Variants in NPLOC4 observed in about 807,000 individuals in gnomAD.
NPLOC4 encodes nuclear protein localization protein 4 homolog.
In NPLOC4, 18 loss-of-function variants were observed where a neutral mutation model predicts 80.6. That is an observed-to-expected ratio of 0.22 (90% CI 0.15 to 0.33). The LOEUF is 0.33. Among genes scored for constraint, NPLOC4 ranks in the 10% least tolerant of loss-of-function variants. The pLI, the probability that NPLOC4 is intolerant of heterozygous loss-of-function variation, is 1.00. For synonymous variants in NPLOC4, 313 were observed against 301.5 expected (o/e 1.04, Z -0.39); for missense variants, 540 against 786.1 (o/e 0.69, Z 3.74).
intron 11 of NPLOC4, among the ~76,000 whole-genome samples, chr17:81,593,394 C>G (rs933306888): frequency 2.6e-5 from 4 of 152,114 alleles, no homozygotes; most frequent in Admixed American, 2.6e-4. Flanking sequence ...CTGTGCTGTC[C>G]TCACGAGTCA....
rs931532334 is a variant in NPLOC4, at chr17:81,601,066, T to C, written c.835-639A>G. On this transcript the variant is annotated intron_variant, in intron 8 of 16. Transcript: ENST00000331134. ...GAGTTGTAGCTTCGACTGGCTCCCA[T>C]GCAACTGAAACCAACCACAGCACAT... Among the ~76,000 whole-genome samples, 5 of 152,316 alleles carry C rather than the reference T, an allele frequency of 3.3e-5. No individual in the cohort carries two copies. In the South Asian group the frequency reaches 8.3e-4, roughly 25 times the overall value.
intron 7 of NPLOC4, among the ~76,000 whole-genome samples, 163 bp from the exon 8 acceptor site, chr17:81,604,890 C>T (rs1471810739): frequency 6.6e-6 from 1 of 152,184 alleles, no homozygotes; most frequent in Non-Finnish European, 1.5e-5. Context: ...CTCAGGAGGC[C>T]GAGGCTAGAG....
Position 81,559,217 on chromosome 17 carries a change from G to A in NPLOC4, c.*42C>T, listed in dbSNP as rs756410877. The stretch of plus-strand genomic sequence containing the variant: ...CAGCAACGCTTCTGGCTTCAGGAAG[G>A]GCTGGGCTGGGCCCGGTCCTAGCCA... On this transcript the variant is annotated 3_prime_UTR_variant, in exon 17 of 17. Transcript: ENST00000331134. 2 of 1,553,224 alleles carry A rather than the reference G, an allele frequency of 1.3e-6. No homozygotes were observed. Among genetic ancestry groups the A allele is most frequent in the Admixed American group, 1.9e-5 (1 of 51,560 alleles).
intron 2 of NPLOC4, 136 bp downstream of exon 2, chr17:81,629,589 T>C (rs988380067): frequency 7.5e-6 from 5 of 671,034 alleles, no homozygotes; most frequent in Non-Finnish European, 1.3e-5. Context: ...AACCCAACTG[T>C]GATAGAGAAA....
intron 12 of NPLOC4, among the ~76,000 whole-genome samples, chr17:81,573,953 G>C (rs2034225779): frequency 6.6e-6 from 1 of 152,210 alleles, no homozygotes; most frequent in Non-Finnish European, 1.5e-5. Context: ...CTGCCAGTCA[G>C]GATGGGCTTC....
chr17:81,568,992 T>A, intron 14 of NPLOC4, 24 bp downstream of exon 14: 1 of 1,417,636 alleles, frequency 7.1e-7, no homozygotes, highest in South Asian at 1.2e-5. Context: ...CCTTAAATTA[T>A]GTTTCTAAAG....
chr17:81,576,739 A>T lies in NPLOC4; in HGVS notation c.1282-4651T>A, dbSNP rs551541361. On this transcript the variant is annotated intron_variant, in intron 12 of 16. Transcript: ENST00000331134. ...TGATGAATCACTTTACAAATACTTA[A>T]GTGCACACAGAGGCTACTCACAAAG... is the stretch of plus-strand genomic sequence containing the variant. Among the ~76,000 whole-genome samples, 11 of 152,324 alleles carry T rather than the reference A, an allele frequency of 7.2e-5. No homozygotes were observed. The South Asian group carries it at 2.3e-3, about 32-fold the overall frequency.
At chr17:81,610,333 C>T (rs2035308836) in intron 4 of NPLOC4, 75 bp from the exon 5 acceptor site, 16 of 1,347,120 alleles carry the variant, frequency 1.2e-5, no homozygotes, top group South Asian at 3.8e-5. Flanking sequence ...CTCACATGCA[C>T]GTCCTACTTT....
At chr17:81,626,464 AG>A (rs1368044327) in intron 2 of NPLOC4, among the ~76,000 whole-genome samples, 2 of 152,210 alleles carry the variant, frequency 1.3e-5, no homozygotes, top group African/African-American at 4.8e-5. Context: ...CACCACTGCA[AG>A]GCACACCAGA....
At chr17:81,599,977 G>A (rs533019879) in intron 9 of NPLOC4, among the ~76,000 whole-genome samples, 1 of 152,304 alleles carries the variant, frequency 6.6e-6, no homozygotes, top group East Asian at 1.9e-4. Flanking sequence ...AGCTCAGGCA[G>A]AAGGGACACA....
Position 81,557,238 on chromosome 17 carries a change from TCA to T in NPLOC4, c.*2019_*2020del, listed in dbSNP as rs1367643071. 6.6e-6 allele frequency: 1 copy of T among 152,386 alleles called. No individual in the cohort carries two copies. Among genetic ancestry groups the T allele is most frequent in the Non-Finnish European group, 1.5e-5 (1 of 68,062 alleles). The allele number at this position is 152,386 out of a possible 1,614,324, so 9.4% of individuals were successfully genotyped here. ...GCTGAGCCTCCCAGGGCCTGAACTC[TCA>T]CAGCAGGGCTCACCCCCAAGCCTGT... On this transcript the variant is annotated 3_prime_UTR_variant, in exon 17 of 17. Transcript: ENST00000331134.
chr17:81,634,445 G>A (rs1270149265), intron 1 of NPLOC4, among the ~76,000 whole-genome samples: 1 of 117,902 alleles, frequency 8.5e-6, no homozygotes, highest in Admixed American at 9.7e-5. Flanking sequence ...ATACACTAGT[G>A]GGAAAAAAAA....
At chr17:81,604,486 A>T in intron 8 of NPLOC4, 62 bp downstream of exon 8, 1 of 1,513,786 alleles carries the variant, frequency 6.6e-7, no homozygotes, top group South Asian at 1.2e-5. Flanking sequence ...GCCTCTCCGA[A>T]AGGGCGTCCC....
At chr17:81,614,156 A>G (rs1423153640) in intron 3 of NPLOC4, among the ~76,000 whole-genome samples, 1 of 151,462 alleles carries the variant, frequency 6.6e-6, no homozygotes, top group Non-Finnish European at 1.5e-5. Context: ...GCACGCCTGT[A>G]GTCCCAGCTA....
At chr17:81,631,450 T>G (rs868060305) in intron 1 of NPLOC4, among the ~76,000 whole-genome samples, 4 of 105,830 alleles carry the variant, frequency 3.8e-5, no homozygotes, top group Non-Finnish European at 6.2e-5. Context: ...TTTTTTTTTT[T>G]TTTTTTTTTT....
chr17:81,561,537 G>C (rs1438281019), intron 16 of NPLOC4, among the ~76,000 whole-genome samples: 2 of 152,150 alleles, frequency 1.3e-5, no homozygotes, highest in Non-Finnish European at 2.9e-5. Flanking sequence ...CTGCCTAAAA[G>C]AATCTTTGCG....
At chr17:81,623,484 A>AAAT (rs1555688083) in intron 2 of NPLOC4, among the ~76,000 whole-genome samples, 1 of 145,898 alleles carries the variant, frequency 6.9e-6, no homozygotes, top group Non-Finnish European at 1.5e-5. Context: ...AAAAAAAAAA[A>AAAT]GCAAAACTCT....
At chr17:81,565,730 A>G in intron 15 of NPLOC4, 123 bp from the exon 16 acceptor site, 1 of 708,592 alleles carries the variant, frequency 1.4e-6, no homozygotes, top group Non-Finnish European at 2.3e-6. Context: ...AAAATCTTAC[A>G]GGCTATCACT....
intron 2 of NPLOC4, among the ~76,000 whole-genome samples, chr17:81,624,857 G>T (rs1050250270): frequency 3.9e-5 from 6 of 152,210 alleles, no homozygotes; most frequent in African/African-American, 1.2e-4. Flanking sequence ...GGCAGGAAGG[G>T]TGTTGGAAAC....
Sources: gnomAD v4.1 joint callset for allele counts (sites outside exome capture counted in the v4.1 genomes callset) on GRCh38, gnomAD v4.1.1 for gene constraint, MANE v1.5 for transcripts, NCBI Gene and HGNC (gene_info 2026-07-23, HGNC 2026-07-21) for gene names.